Variants in UGT2B10 observed in about 807,000 individuals in gnomAD.
UGT2B10 encodes UDP-glucuronosyltransferase 2B10.
Under a neutral mutation model 43.7 loss-of-function variants are expected in UGT2B10, and 51 were observed. That is an observed-to-expected ratio of 1.17 (90% CI 0.93 to 1.47). The LOEUF is 1.47. UGT2B10 is among the 40% of genes most tolerant of loss of function. The pLI is 0.00. For synonymous variants in UGT2B10, 225 were observed against 209.0 expected (o/e 1.08, Z -0.66); for missense variants, 696 against 617.7 (o/e 1.13, Z -1.34).
At chr4:68,821,625 C>T (rs116315578) in intron 2 of UGT2B10, among the ~76,000 whole-genome samples, 1,879 of 152,240 alleles carry the variant, frequency 0.012, 38 homozygotes, top group African/African-American at 0.042. Context: ...CAATACTAGA[C>T]TCCAGAATGT....
intron 3 of UGT2B10, among the ~76,000 whole-genome samples, chr4:68,825,412 T>C (rs1737723671): frequency 6.6e-6 from 1 of 152,106 alleles, no homozygotes; most frequent in Non-Finnish European, 1.5e-5. Context: ...CATGGGGGTT[T>C]GTTGTACTGA....
Position 68,830,947 on chromosome 4 carries a change from T to C in UGT2B10, c.*68T>C. 6.6e-7 allele frequency: 1 copy of C among 1,521,438 alleles called. No homozygotes were observed. The highest frequency in any genetic ancestry group is 8.8e-7 in the Non-Finnish European group (1 of 1,131,710). The allele number at this position is 1,521,438 out of a possible 1,614,324, so 94.2% of individuals were successfully genotyped here. On this transcript the variant is annotated 3_prime_UTR_variant, in exon 6 of 6. Coordinates refer to ENST00000265403, the MANE Select transcript of UGT2B10 (RefSeq NM_001075.6). ...TACTTCAGTTGATTCCAGCAATAAA[T>C]ATTGTGATGCAAGATTTCTTTCTTC...
intron 5 of UGT2B10, among the ~76,000 whole-genome samples, chr4:68,830,397 C>T (rs1001004409): frequency 2.0e-5 from 3 of 150,590 alleles, no homozygotes; most frequent in African/African-American, 7.3e-5. Flanking sequence ...TCCTTTTCTA[C>T]TTTAAAAATA....
At chr4:68,824,492 C>T (rs535415186) in intron 3 of UGT2B10, among the ~76,000 whole-genome samples, 4 of 152,150 alleles carry the variant, frequency 2.6e-5, no homozygotes, top group Non-Finnish European at 5.9e-5. Flanking sequence ...TTCAGATGCC[C>T]CCTCCATAGA....
In UGT2B10 at chr4:68,830,799, G is replaced by T; in HGVS notation, c.1507G>T (p.Val503Leu). The T allele has an allele frequency of 1.9e-6, 3 of 1,613,232 alleles. No individual in the cohort carries two copies. The South Asian group carries it at 3.3e-5, about 18-fold the overall frequency. Residue 503 changes from valine (V) to leucine (L), a missense_variant, in exon 6 of 6, where the codon GTG (valine) becomes TTG (leucine). Physicochemically the swap from Val to Leu is conservative, Grantham distance 32 (BLOSUM62 1). Transcript: ENST00000265403. Reference sequence around the variant, plus strand: ...GTTCCTGCTGGCTTGTGTGGCAACCGTGCTATTTATCATCACAAAGTGTTG... The same window carrying T: ...GTTCCTGCTGGCTTGTGTGGCAACCTTGCTATTTATCATCACAAAGTGTTG... Reference protein sequence around the residue: ...IGFLLACVATVLFIITKCCLF... With the variant: ...IGFLLACVATLLFIITKCCLF...
intron 5 of UGT2B10, among the ~76,000 whole-genome samples, chr4:68,829,714 T>C (rs904231615): frequency 2.0e-5 from 3 of 151,914 alleles, no homozygotes; most frequent in African/African-American, 7.2e-5. Context: ...AGAGAAGGGA[T>C]AAAATGTGTA....
At chr4:68,826,591 T>C (rs1251946145) in intron 4 of UGT2B10, 94 bp downstream of exon 4, 3 of 1,412,972 alleles carry the variant, frequency 2.1e-6, no homozygotes, top group East Asian at 2.5e-5. Flanking sequence ...ATATTTGTTA[T>C]AGGAAAACAA....
intron 2 of UGT2B10, 74 bp downstream of exon 2, chr4:68,818,251 G>T: frequency 6.3e-7 from 1 of 1,576,148 alleles, no homozygotes; most frequent in Non-Finnish European, 8.6e-7. Context: ...TCTTCATTCA[G>T]AGTGTTTGAC....
At chr4:68,816,810 C>T in intron 1 of UGT2B10, 73 bp downstream of exon 1, 1 of 1,288,742 alleles carries the variant, frequency 7.8e-7, no homozygotes, top group East Asian at 2.4e-5. Context: ...TGCATAAAGC[C>T]ATAAAGTCAG....
At chr4:68,818,957 C>G (rs1298854264) in intron 2 of UGT2B10, among the ~76,000 whole-genome samples, 1 of 151,636 alleles carries the variant, frequency 6.6e-6, no homozygotes, top group Non-Finnish European at 1.5e-5. Flanking sequence ...GAAAAGCCTC[C>G]AAGATATTCA....
rs1359041043 is a variant in UGT2B10 at position 68,816,353 on chromosome 4, C to T, written c.334C>T (p.Gln112Ter). Residue 112 changes from glutamine (Q) to a stop codon, truncating the protein, a stop_gained, in exon 1 of 6, where the codon CAA becomes TAA. Transcript: ENST00000265403. LOFTEE classifies it high-confidence loss of function. ...ATTTTGGTTACCTTTTTCACAAGAACAAGAAATCCTGTGGGCAATTAATGA... is the reference window on the plus strand; with the variant it reads ...ATTTTGGTTACCTTTTTCACAAGAATAAGAAATCCTGTGGGCAATTAATGA... ...DTFWLPFSQE[Q>*]EILWAINDII... The T allele has an allele frequency of 2.5e-6, 4 of 1,612,860 alleles. No homozygotes were observed. Among genetic ancestry groups the T allele is most frequent in the African/African-American group, 2.7e-5 (2 of 74,840 alleles).
intron 2 of UGT2B10, among the ~76,000 whole-genome samples, chr4:68,821,628 C>T (rs1238513984): frequency 6.6e-6 from 1 of 152,130 alleles, no homozygotes; most frequent in Admixed American, 6.6e-5. Context: ...TACTAGACTC[C>T]AGAATGTCAG....
At chr4:68,821,285 A>C (rs1485903038) in intron 2 of UGT2B10, among the ~76,000 whole-genome samples, 1 of 152,128 alleles carries the variant, frequency 6.6e-6, no homozygotes, top group Non-Finnish European at 1.5e-5. Context: ...ATAATTCTCA[A>C]TCAATTGCAG....
chr4:68,828,059 G>A lies in UGT2B10; in HGVS notation c.1307+511G>A, dbSNP rs1258835862. ...TTTACTATGTTTACAGAGTCATGAA[G>A]TCATCACCAGTGTATAAGTTTGGAA... On this transcript the variant is annotated intron_variant, in intron 5 of 5. Coordinates refer to ENST00000265403, the MANE Select transcript of UGT2B10 (RefSeq NM_001075.6). Among the ~76,000 whole-genome samples, 4 of 151,878 alleles carry A rather than the reference G, an allele frequency of 2.6e-5. 1 individual carries two copies. Among genetic ancestry groups the A allele is most frequent in the Non-Finnish European group, 5.9e-5 (4 of 67,928 alleles).
chr4:68,826,282 T>A (rs542819014), intron 3 of UGT2B10, 128 bp from the exon 4 acceptor site: 1 of 978,534 alleles, frequency 1.0e-6, no homozygotes, highest in African/African-American at 1.7e-5. Context: ...TTATTCTTTT[T>A]GCATCAGTCT....
chr4:68,816,801 G>T, intron 1 of UGT2B10, 64 bp downstream of exon 1: 4 of 1,348,576 alleles, frequency 3.0e-6, no homozygotes, highest in Non-Finnish European at 3.0e-6. Flanking sequence ...AGCACAACTT[G>T]CATAAAGCCA....
intron 2 of UGT2B10, among the ~76,000 whole-genome samples, chr4:68,821,368 A>G (rs1737486045): frequency 6.6e-6 from 1 of 152,168 alleles, no homozygotes; most frequent in Non-Finnish European, 1.5e-5. Context: ...ATCCCCCTGA[A>G]GAAAGGCCTG....
At chr4:68,827,008 G>T (rs1386740702) in intron 4 of UGT2B10, among the ~76,000 whole-genome samples, 1 of 151,924 alleles carries the variant, frequency 6.6e-6, no homozygotes, top group African/African-American at 2.4e-5. Flanking sequence ...ATCACACTCT[G>T]TGACTGTACT....
chr4:68,817,922 A>G (rs1477045534), intron 1 of UGT2B10, 107 bp from the exon 2 acceptor site: 27 of 1,362,564 alleles, frequency 2.0e-5, no homozygotes, highest in Non-Finnish European at 2.5e-5. Context: ...TTCAAAGCAC[A>G]CAAACTTTAC....
Sources: allele counts gnomAD v4.1 joint callset (sites outside exome capture counted in the v4.1 genomes callset), GRCh38; gene constraint gnomAD v4.1.1; transcripts MANE v1.5; gene names NCBI Gene and HGNC (gene_info 2026-07-23, HGNC 2026-07-21).